OTOGL: variants seen among roughly 807,000 people sequenced by gnomAD.
OTOGL encodes otogelin like, also known as otogelin-like protein.
OTOGL carries 285 observed loss-of-function variants against 318.5 expected under a neutral mutation model. The observed-to-expected ratio is 0.89, with a 90% confidence interval of 0.81 to 0.99. The LOEUF (loss-of-function observed/expected upper bound fraction) is 0.99. Ranked by LOEUF, OTOGL falls within the 50% of genes least tolerant of loss-of-function variation. The pLI is 0.00. For missense variants in OTOGL, 2,899 were observed against 2,845.6 expected (o/e 1.02, Z -0.43); for synonymous variants, 987 against 936.5 (o/e 1.05, Z -0.99).
intron 43 of OTOGL, 34 bp downstream of exon 43, chr12:80,339,298 G>GTTTT (rs10715159): frequency 0.022 from 11,530 of 531,578 alleles, 19 homozygotes; most frequent in South Asian, 0.034. Flanking sequence ...GATTTCGTCT[G>GTTTT]TTTTTTTTTT....
intron 18 of OTOGL, 95 bp downstream of exon 18, chr12:80,258,097 A>G (rs935034352): frequency 2.1e-5 from 23 of 1,097,834 alleles, no homozygotes; most frequent in African/African-American, 1.4e-4. Context: ...ATAATTGCTT[A>G]GCTGTCATTA....
chr12:80,322,058 A>G (rs1887371040), intron 34 of OTOGL, among the ~76,000 whole-genome samples: 1 of 152,190 alleles, frequency 6.6e-6, no homozygotes, highest in Non-Finnish European at 1.5e-5. Flanking sequence ...GGGAATGGCA[A>G]CAGAGCCTGG....
chr12:80,253,799 A>G (rs1881786741), intron 14 of OTOGL, among the ~76,000 whole-genome samples: 1 of 152,130 alleles, frequency 6.6e-6, no homozygotes, highest in African/African-American at 2.4e-5. Context: ...TTATATCCAC[A>G]TAATGAGTCT....
chr12:80,129,585 C>T (rs1410490651), intron 1 of OTOGL, among the ~76,000 whole-genome samples: 1 of 152,162 alleles, frequency 6.6e-6, no homozygotes, highest in African/African-American at 2.4e-5. Flanking sequence ...AACCCTTCCT[C>T]TTGATACCTT....
At chr12:80,219,075 G>T (rs1468985458) in intron 5 of OTOGL, among the ~76,000 whole-genome samples, 2 of 151,934 alleles carry the variant, frequency 1.3e-5, no homozygotes, top group African/African-American at 4.8e-5. Flanking sequence ...TGAGTTTTAT[G>T]CTTTGCCTGA....
Position 80,349,912 on chromosome 12 carries a change from C to A in OTOGL, c.5266-2383C>A, listed in dbSNP as rs144239038. ...ATCTAGCTAATCAACAAATGCATTA[C>A]CTCATGTGATTATCACTTGTGTGAT... On this transcript the variant is annotated intron_variant, in intron 44 of 58. Coordinates refer to ENST00000547103, the MANE Select transcript of OTOGL (RefSeq NM_001378609.3). 1.8e-3 allele frequency among the ~76,000 whole-genome samples: 269 copies of A among 152,264 alleles called. 1 individual carries two copies. The highest frequency in any genetic ancestry group is 6.8e-3 in the Middle Eastern group (2 of 294).
intron 1 of OTOGL, among the ~76,000 whole-genome samples, chr12:80,154,350 G>A (rs981201673): frequency 3.3e-5 from 5 of 152,098 alleles, no homozygotes; most frequent in Admixed American, 3.3e-4. Flanking sequence ...TCTTGTAAAT[G>A]CCCATATGAA....
intron 26 of OTOGL, among the ~76,000 whole-genome samples, chr12:80,296,475 C>T (rs1386247414): frequency 2.0e-5 from 3 of 152,180 alleles, no homozygotes; most frequent in South Asian, 2.1e-4. Context: ...AAAGACATAT[C>T]TCAAATGAAT....
rs185266079 is a variant in OTOGL at position 80,160,518 on chromosome 12, A to G, written c.-19-48895A>G. Reference sequence around the variant, plus strand: ...ACTAATTAACATGGAAATGCAAATCAAAACCACAATGCAATACCACCTTAC... The same window carrying G: ...ACTAATTAACATGGAAATGCAAATCGAAACCACAATGCAATACCACCTTAC... On this transcript the variant is annotated intron_variant, in intron 1 of 58. Coordinates refer to ENST00000547103, the MANE Select transcript of OTOGL (RefSeq NM_001378609.3). Among the ~76,000 whole-genome samples, 295 of 152,340 alleles carry G rather than the reference A, an allele frequency of 1.9e-3. 1 individual carries two copies. Among genetic ancestry groups the G allele is most frequent in the African/African-American group, 7.0e-3 (290 of 41,590 alleles).
chr12:80,342,801 C>G lies in OTOGL; in HGVS notation c.5265+639C>G, dbSNP rs924761914. Among the ~76,000 whole-genome samples the G allele has an allele frequency of 2.6e-5, 4 of 152,198 alleles. No individual in the cohort carries two copies. In the South Asian group the frequency reaches 8.3e-4, roughly 32 times the overall value. On this transcript the variant is annotated intron_variant, in intron 44 of 58. Coordinates refer to ENST00000547103, the MANE Select transcript of OTOGL (RefSeq NM_001378609.3). Reference sequence around the variant, plus strand: ...GGAGCCTAGTAGGAAGGGAAGTCTGCGAGCAGATACATTAAAGTGTACATT... The same window carrying G: ...GGAGCCTAGTAGGAAGGGAAGTCTGGGAGCAGATACATTAAAGTGTACATT...
chr12:80,212,128 A>G (rs547245358), intron 4 of OTOGL, 131 bp downstream of exon 4: 4 of 875,664 alleles, frequency 4.6e-6, no homozygotes, highest in Admixed American at 2.8e-5. Context: ...AAGGAGGAGG[A>G]AGAAGCAAAG....
At chr12:80,335,567 A>C (rs1392960717) in intron 38 of OTOGL, among the ~76,000 whole-genome samples, 1 of 152,104 alleles carries the variant, frequency 6.6e-6, no homozygotes. Flanking sequence ...TTTAAATAGC[A>C]TTAAGTTGTG....
chr12:80,337,437 A>G (rs1167413550), intron 42 of OTOGL, among the ~76,000 whole-genome samples: 1 of 152,124 alleles, frequency 6.6e-6, no homozygotes. Context: ...GTGTTGACAT[A>G]ATTAAGTTTT....
At chr12:80,374,462 T>A (rs1025917266) in intron 57 of OTOGL, among the ~76,000 whole-genome samples, 4 of 152,178 alleles carry the variant, frequency 2.6e-5, no homozygotes, top group Admixed American at 6.5e-5. Context: ...CTATATATTT[T>A]TAATTACTAA....
At chr12:80,100,949 A>G (rs925057987) in intron 1 of OTOGL, among the ~76,000 whole-genome samples, 1 of 152,128 alleles carries the variant, frequency 6.6e-6, no homozygotes, top group African/African-American at 2.4e-5. Context: ...ATATTAAGGA[A>G]TTTATTCTAT....
intron 35 of OTOGL, 59 bp from the exon 36 acceptor site, chr12:80,328,606 T>TC: frequency 1.0e-6 from 1 of 956,568 alleles, no homozygotes; most frequent in Non-Finnish European, 1.4e-6. Flanking sequence ...AATGTAGTCC[T>TC]TTTTTTTTTG....
chr12:80,108,301 TA>T (rs1236954718), intron 1 of OTOGL, among the ~76,000 whole-genome samples: 2 of 152,062 alleles, frequency 1.3e-5, no homozygotes, highest in African/African-American at 4.8e-5. Context: ...ATTATTCTGT[TA>T]TAATATAATT....
At chr12:80,347,076 T>G (rs1029825987) in intron 44 of OTOGL, among the ~76,000 whole-genome samples, 4 of 152,148 alleles carry the variant, frequency 2.6e-5, no homozygotes, top group African/African-American at 9.7e-5. Context: ...TGACAAAGCT[T>G]TATAATTTGA....
intron 43 of OTOGL, among the ~76,000 whole-genome samples, chr12:80,341,494 G>T (rs1888764577): frequency 6.6e-6 from 1 of 152,140 alleles, no homozygotes; most frequent in Admixed American, 6.6e-5. Context: ...ATGGAGTAGT[G>T]ATAGTTCCTG....
Sources: allele counts gnomAD v4.1 joint callset (sites outside exome capture counted in the v4.1 genomes callset), GRCh38; gene constraint gnomAD v4.1.1; transcripts MANE v1.5; gene names NCBI Gene and HGNC (gene_info 2026-07-23, HGNC 2026-07-21).